Variants in BMP5 observed in about 807,000 individuals in gnomAD.
The protein encoded by BMP5 is bone morphogenetic protein 5.
In BMP5, 23 loss-of-function variants were observed where a neutral mutation model predicts 46.6. The ratio of observed to expected loss-of-function variants is 0.49; its 90% CI spans 0.35 to 0.70. The LOEUF is 0.70. BMP5 is among the 30% of genes least tolerant of loss of function. BMP5 has a pLI of 0.00. For synonymous variants in BMP5, 204 were observed against 191.9 expected, an observed-to-expected ratio of 1.06 and a Z score of -0.52; for missense variants, 545 against 565.6, an observed-to-expected ratio of 0.96 and a Z score of 0.37.
chr6:55,840,297 T>C (rs778114902), intron 1 of BMP5, among the ~76,000 whole-genome samples: 2 of 152,192 alleles, frequency 1.3e-5, no homozygotes, highest in Non-Finnish European at 2.9e-5. Flanking sequence ...AATACTTATG[T>C]TGTCAGTAAA....
chr6:55,812,963 A>C (rs1776169491), intron 2 of BMP5, among the ~76,000 whole-genome samples: 1 of 152,324 alleles, frequency 6.6e-6, no homozygotes, highest in Non-Finnish European at 1.5e-5. Context: ...TTTCCAAAAA[A>C]TATTTACTCT....
At chr6:55,786,811 T>C (rs1215719894) in intron 3 of BMP5, among the ~76,000 whole-genome samples, 2 of 151,696 alleles carry the variant, frequency 1.3e-5, no homozygotes, top group Non-Finnish European at 3.0e-5. Flanking sequence ...TACTCTCTCA[T>C]TTGTTTATTT....
chr6:55,816,486 C>A (rs913007815), intron 2 of BMP5, among the ~76,000 whole-genome samples: 14 of 151,974 alleles, frequency 9.2e-5, no homozygotes, highest in Non-Finnish European at 1.6e-4. Context: ...ATAGTATTCA[C>A]TATATATGCC....
intron 5 of BMP5, 37 bp from the exon 6 acceptor site, chr6:55,759,152 A>T: frequency 1.9e-6 from 1 of 530,458 alleles, no homozygotes; most frequent in South Asian, 2.1e-5. Flanking sequence ...CACAAAAAAA[A>T]AAAAAAAAAA....
rs1358014709 is a variant in BMP5 at position 55,819,857 on chromosome 6, T to A, written c.491-10A>T. The A allele has an allele frequency of 6.2e-7, 1 of 1,610,928 alleles. No homozygotes were observed. The highest frequency in any genetic ancestry group is 1.1e-5 in the South Asian group (1 of 91,014). ...TCCTTGTCTCTTTCAACTGAAAAAA[T>A]AAAGGGGGTTGAGGGGGAAAAAAGT... On this transcript the variant is annotated splice_polypyrimidine_tract_variant and intron_variant, in intron 1 of 6. Coordinates refer to ENST00000370830, the MANE Select transcript of BMP5 (RefSeq NM_021073.4).
chr6:55,772,645 T>A (rs1025520668), intron 4 of BMP5: 9 of 613,470 alleles, frequency 1.5e-5, no homozygotes, highest in Non-Finnish European at 1.8e-5. Flanking sequence ...AAACTAAATA[T>A]CTTGTGAATA....
chr6:55,808,425 C>T (rs145812884), intron 2 of BMP5, among the ~76,000 whole-genome samples: 200 of 152,272 alleles, frequency 1.3e-3, no homozygotes, highest in Middle Eastern at 6.8e-3. Context: ...TTATCTGTCC[C>T]GGTGTTGGCT....
intron 6 of BMP5, among the ~76,000 whole-genome samples, chr6:55,757,476 A>G (rs1774638057): frequency 6.6e-6 from 1 of 152,046 alleles, no homozygotes. Context: ...ATGAATTCTC[A>G]TATACAAAGA....
rs143575462 is a variant in BMP5, at chr6:55,862,515, G to A, written c.490+11861C>T. Reference sequence around the variant, plus strand: ...ACAGTCTTGTTAGCAGTAAAATATGGGTGAAAATCTTTATCCATCACAATT... The same window carrying A: ...ACAGTCTTGTTAGCAGTAAAATATGAGTGAAAATCTTTATCCATCACAATT... On this transcript the variant is annotated intron_variant, in intron 1 of 6. Transcript: ENST00000370830. Among the ~76,000 whole-genome samples the A allele has an allele frequency of 2.5e-3, 377 of 152,172 alleles. 2 individuals carry two copies. The highest frequency in any genetic ancestry group is 8.5e-3 in the African/African-American group (352 of 41,524).
chr6:55,785,744 T>C lies in BMP5; in HGVS notation c.832+8535A>G, dbSNP rs923728345. ...AAATATTTCTCCAAGGCTTGATTTCTTGCAAAAAAAAAAAAATTTTTTCAG... is the reference window on the plus strand; with the variant it reads ...AAATATTTCTCCAAGGCTTGATTTCCTGCAAAAAAAAAAAAATTTTTTCAG... On this transcript the variant is annotated intron_variant, in intron 3 of 6. Coordinates refer to ENST00000370830, the MANE Select transcript of BMP5 (RefSeq NM_021073.4). 2.7e-5 allele frequency among the ~76,000 whole-genome samples: 4 copies of C among 150,608 alleles called. No homozygotes were observed. The East Asian group carries it at 7.8e-4, about 29-fold the overall frequency.
rs1198340638 is a variant in BMP5 at position 55,755,449 on chromosome 6, T to A, written c.*84A>T. 1.5e-6 allele frequency: 2 copies of A among 1,358,844 alleles called. No individual in the cohort carries two copies. The highest frequency in any genetic ancestry group is 2.5e-5 in the East Asian group (1 of 40,698). 84.2% of individuals were successfully genotyped at this position (1,358,844 alleles called of 1,614,324 possible). A position where few individuals can be genotyped will look rare whatever the true frequency, so the allele number is the denominator to read the frequency against. ...ATGAGCCAGACTAATTTTAGGAAAT[T>A]CCCCGTTTGTCTGAAAGTATGCTTT... On this transcript the variant is annotated 3_prime_UTR_variant, in exon 7 of 7. Coordinates refer to ENST00000370830, the MANE Select transcript of BMP5 (RefSeq NM_021073.4).
At position 55,874,677 on chromosome 6, in the gene BMP5, G is replaced by A. The variant is rs1478192678; in HGVS notation, c.189C>T (p.His63=). 6 of 1,613,630 alleles carry A rather than the reference G, an allele frequency of 3.7e-6. No individual in the cohort carries two copies. The South Asian group carries it at 6.6e-5, about 18-fold the overall frequency. Residue 63 remains histidine, a synonymous_variant, in exon 1 of 7, where the codon CAC becomes CAT. Transcript: ENST00000370830. ...REILSILGLP[H]RPRPFSPGKQ... Reference sequence around the variant, plus strand: ...TTCCAGGTGAAAATGGTCTGGGTCTGTGAGGCAAACCCAAGATAGAGAGAA... The same window carrying A: ...TTCCAGGTGAAAATGGTCTGGGTCTATGAGGCAAACCCAAGATAGAGAGAA...
chr6:55,851,383 A>C (rs1777241155), intron 1 of BMP5, among the ~76,000 whole-genome samples: 1 of 152,128 alleles, frequency 6.6e-6, no homozygotes, highest in Admixed American at 6.6e-5. Context: ...TCACAGGAGA[A>C]GGGAGAGAAG....
At chr6:55,764,438 T>TGGC (rs1774868573) in intron 4 of BMP5, among the ~76,000 whole-genome samples, 1 of 151,946 alleles carries the variant, frequency 6.6e-6, no homozygotes, top group South Asian at 2.1e-4. Flanking sequence ...CCAGGCGTAG[T>TGGC]GGCGGACGCC....
At chr6:55,773,960 A>C in intron 4 of BMP5, 89 bp downstream of exon 4, 4 of 1,397,900 alleles carry the variant, frequency 2.9e-6, no homozygotes, top group Non-Finnish European at 4.1e-6. Context: ...GAAGGTATAC[A>C]TAGAGGGTAA....
chr6:55,813,582 G>A (rs1451194765), intron 2 of BMP5, among the ~76,000 whole-genome samples: 1 of 151,962 alleles, frequency 6.6e-6, no homozygotes, highest in African/African-American at 2.4e-5. Flanking sequence ...GAGGTCAGGA[G>A]ACTGAAACCA....
intron 2 of BMP5, among the ~76,000 whole-genome samples, chr6:55,812,066 G>A (rs377437378): frequency 8.7e-4 from 132 of 152,134 alleles, no homozygotes; most frequent in Non-Finnish European, 1.5e-3. Context: ...TGAATTATCT[G>A]GAAAATTCAA....
intron 1 of BMP5, among the ~76,000 whole-genome samples, chr6:55,836,490 C>T (rs1776795303): frequency 6.6e-6 from 1 of 151,998 alleles, no homozygotes; most frequent in African/African-American, 2.4e-5. Context: ...ACTTGGTTAG[C>T]CAAGTTATGT....
At chr6:55,791,252 G>A (rs1285817541) in intron 3 of BMP5, among the ~76,000 whole-genome samples, 9 of 152,190 alleles carry the variant, frequency 5.9e-5, no homozygotes, top group Admixed American at 5.2e-4. Context: ...TATTCTCCAT[G>A]AAGTTGCAGT....
Sources: gnomAD v4.1 joint callset for allele counts (sites outside exome capture counted in the v4.1 genomes callset) on GRCh38, gnomAD v4.1.1 for gene constraint, MANE v1.5 for transcripts, NCBI Gene and HGNC (gene_info 2026-07-23, HGNC 2026-07-21) for gene names.